The following TACC2 variants were observed in gnomAD, a reference collection of about 807,000 sequenced individuals.
TACC2 encodes the protein transforming acidic coiled-coil containing protein 2, also known as transforming acidic coiled-coil-containing protein 2.
TACC2 carries 137 observed loss-of-function variants against 227.3 expected under a neutral mutation model. The observed-to-expected ratio is 0.60, with a 90% CI of 0.52 to 0.69. The LOEUF is 0.69. Ranked by LOEUF, TACC2 falls within the 30% of genes least tolerant of loss-of-function variation. The pLI, the probability that TACC2 is intolerant of heterozygous loss-of-function variation, is 0.00. For missense variants in TACC2, 3,470 were observed against 3,694.4 expected (o/e 0.94, Z 1.57); for synonymous variants, 1,523 against 1,487.5 (o/e 1.02, Z -0.55).
chr10:122,134,326 C>T (rs966743904), intron 6 of TACC2, among the ~76,000 whole-genome samples: 1 of 152,070 alleles, frequency 6.6e-6, no homozygotes. Context: ...CGTGCGCCAC[C>T]ATGCCCACCT....
At chr10:122,219,751 G>C (rs2095486681) in intron 11 of TACC2, among the ~76,000 whole-genome samples, 1 of 152,186 alleles carries the variant, frequency 6.6e-6, no homozygotes, top group Admixed American at 6.5e-5. Flanking sequence ...CCATCCTGAG[G>C]TTGGGGCCGG....
At chr10:122,030,946 A>T (rs889558340) in intron 2 of TACC2, among the ~76,000 whole-genome samples, 41 of 151,980 alleles carry the variant, frequency 2.7e-4, no homozygotes, top group Middle Eastern at 3.4e-3. Flanking sequence ...GCCTCCTGTG[A>T]TCCCCCTCTT....
intron 3 of TACC2, among the ~76,000 whole-genome samples, chr10:122,070,315 A>C (rs1458419315): frequency 6.6e-6 from 1 of 152,208 alleles, no homozygotes; most frequent in Non-Finnish European, 1.5e-5. Context: ...AGTCTTATCA[A>C]GAAGGGATAT....
At chr10:122,228,111 C>T (rs2095662997) in intron 14 of TACC2, 103 bp downstream of exon 14, 8 of 1,257,684 alleles carry the variant, frequency 6.4e-6, no homozygotes. Context: ...TCACCTGGCA[C>T]CTGCCATGGG....
In TACC2 at chr10:122,086,764, G is replaced by A. The variant is rs1214475865; in HGVS notation, c.4264G>A (p.Gly1422Arg). Reference sequence around the variant, plus strand: ...CAAGATCTTCGAGAAGCCTGTGCTCGGAGCCCTGGCCACACCTGGAGAAAA... The same window carrying A: ...CAAGATCTTCGAGAAGCCTGTGCTCAGAGCCCTGGCCACACCTGGAGAAAA... ...IAKIFEKPVL[G>R]ALATPGEKAG... The change falls in exon 4 of 23, where the codon GGA becomes AGA. Residue 1422 changes from glycine (G) to arginine (R), a missense_variant. Transcript: ENST00000369005. The A allele has an allele frequency of 4.3e-6, 7 of 1,613,956 alleles. No homozygotes were observed. The highest frequency in any genetic ancestry group is 2.7e-5 in the African/African-American group (2 of 75,038).
Position 122,252,182 on chromosome 10 carries a change from G to A in TACC2, c.8782-1809G>A, listed in dbSNP as rs1413273237. 3.3e-5 allele frequency among the ~76,000 whole-genome samples: 5 copies of A among 152,210 alleles called. 1 individual carries two copies. The South Asian group carries it at 6.2e-4, about 19-fold the overall frequency. On this transcript the variant is annotated intron_variant, in intron 22 of 22. Coordinates refer to ENST00000369005, the MANE Select transcript of TACC2 (RefSeq NM_206862.4). ...GCCATCAGTCACTGTACATAACGTT[G>A]TTTAACAGTTATAATGGCAAAGCCA...
At chr10:121,994,218 T>C (rs555142272) in intron 1 of TACC2, among the ~76,000 whole-genome samples, 87 of 152,366 alleles carry the variant, frequency 5.7e-4, no homozygotes, top group Non-Finnish European at 1.2e-3. Flanking sequence ...TGCTTGATAC[T>C]GTCAGCTGAG....
chr10:122,155,399 A>T (rs1409625995), intron 7 of TACC2, among the ~76,000 whole-genome samples: 1 of 152,268 alleles, frequency 6.6e-6, no homozygotes, highest in African/African-American at 2.4e-5. Flanking sequence ...TTAACACATC[A>T]ACATTCAAAG....
chr10:122,071,180 G>A (rs1311631495), intron 3 of TACC2, among the ~76,000 whole-genome samples: 1 of 152,160 alleles, frequency 6.6e-6, no homozygotes, highest in East Asian at 1.9e-4. Context: ...ATTAAAAACA[G>A]GTATTTTCTC....
At chr10:122,160,647 A>G (rs563045993) in intron 7 of TACC2, among the ~76,000 whole-genome samples, 154 of 152,234 alleles carry the variant, frequency 1.0e-3, no homozygotes, top group African/African-American at 3.6e-3. Flanking sequence ...CCCACCTCCA[A>G]ATACCATCCC....
In TACC2 at chr10:122,190,512, C is replaced by T. The variant is rs72631110; in HGVS notation, c.5835-4528C>T. The stretch of plus-strand genomic sequence containing the variant: ...CGTGGCCAGCACAGTCTGTCCCCAC[C>T]TGGGGTTACGTTGTTCCCTCTTTCC... On this transcript the variant is annotated intron_variant, in intron 7 of 22. Transcript: ENST00000369005. Among the ~76,000 whole-genome samples the T allele has an allele frequency of 9.2e-4, 140 of 152,290 alleles. 1 individual carries two copies. In the East Asian group the frequency reaches 0.025, roughly 27 times the overall value.
At chr10:122,056,057 C>T (rs2076181880) in intron 3 of TACC2, among the ~76,000 whole-genome samples, 1 of 152,230 alleles carries the variant, frequency 6.6e-6, no homozygotes, top group African/African-American at 2.4e-5. Context: ...TGATGGTTCT[C>T]AAACTTGAGT....
intron 5 of TACC2, among the ~76,000 whole-genome samples, chr10:122,122,359 A>G (rs1168452977): frequency 6.6e-6 from 1 of 152,058 alleles, no homozygotes; most frequent in Non-Finnish European, 1.5e-5. Flanking sequence ...CCGTCTCAAA[A>G]AATAAATAAA....
chr10:122,000,570 G>A (rs1284996322), intron 1 of TACC2, among the ~76,000 whole-genome samples: 1 of 152,010 alleles, frequency 6.6e-6, no homozygotes, highest in East Asian at 1.9e-4. Context: ...GAGGAAGGAA[G>A]CATTTCTTTT....
Position 122,210,895 on chromosome 10 carries a change from C to G in TACC2, c.6470C>G (p.Pro2157Arg). Residue 2157 changes from proline (P) to arginine (R), a missense_variant, in exon 9 of 23, where the codon CCA becomes CGA. Pro to Arg is a moderately radical substitution (Grantham distance 103, BLOSUM62 -2). Around this residue, in one of 10 missense-constraint regions of TACC2, gnomAD observed 593 missense variants for 636.6 expected, o/e 0.93. Transcript: ENST00000369005. The surrounding 1 kb of genome is among the most constrained non-coding windows in gnomAD (Gnocchi z 4.6). The part of the protein sequence containing the change: ...TPPVKETQQE[P>R]DEESLVPSGE... Reference sequence around the variant, plus strand: ...CCAGTGAAGGAGACGCAACAGGAGCCAGATGAAGAGAGCCTTGTCCCCAGT... The same window carrying G: ...CCAGTGAAGGAGACGCAACAGGAGCGAGATGAAGAGAGCCTTGTCCCCAGT... 1.2e-6 allele frequency: 2 copies of G among 1,613,652 alleles called. No homozygotes were observed. Among genetic ancestry groups the G allele is most frequent in the Non-Finnish European group, 1.7e-6 (2 of 1,179,962 alleles).
intron 5 of TACC2, among the ~76,000 whole-genome samples, chr10:122,107,880 A>ATAT (rs1555034132): frequency 1.4e-4 from 14 of 102,278 alleles, no homozygotes; most frequent in South Asian, 6.6e-4. Flanking sequence ...ATATATATAT[A>ATAT]TTTTTTTTTT....
At chr10:122,040,965 C>G (rs538862539) in intron 2 of TACC2, among the ~76,000 whole-genome samples, 1 of 152,256 alleles carries the variant, frequency 6.6e-6, no homozygotes, top group Non-Finnish European at 1.5e-5. Flanking sequence ...CAGGTCCCCC[C>G]GGGTCGGGTC....
chr10:122,144,465 T>C (rs1314919042), intron 7 of TACC2, among the ~76,000 whole-genome samples: 1 of 152,178 alleles, frequency 6.6e-6, no homozygotes, highest in African/African-American at 2.4e-5. Flanking sequence ...TTGGACAGTA[T>C]TTTGTAGAGA....
intron 1 of TACC2, among the ~76,000 whole-genome samples, chr10:122,004,127 G>T (rs1349642946): frequency 1.3e-5 from 2 of 152,064 alleles, no homozygotes; most frequent in Non-Finnish European, 2.9e-5. Context: ...GCCAGGCATG[G>T]TGGCTCACAC....
Sources: allele counts gnomAD v4.1 joint callset (sites outside exome capture counted in the v4.1 genomes callset), GRCh38; gene constraint gnomAD v4.1.1; regional missense constraint gnomAD v4.1.1; non-coding constraint Gnocchi (gnomAD v3.1); transcripts MANE v1.5; gene names NCBI Gene and HGNC (gene_info 2026-07-23, HGNC 2026-07-21).